Variants in PARD6G observed in about 807,000 individuals in gnomAD.
PARD6G encodes par-6 family cell polarity regulator gamma.
Under a neutral mutation model 10.7 loss-of-function variants are expected in PARD6G, and 7 were observed. That is an observed-to-expected ratio of 0.66 (90% confidence interval 0.37 to 1.23). The LOEUF is 1.23. PARD6G is among the 50% of genes most tolerant of loss of function. The pLI is 0.02. For synonymous variants in PARD6G, 287 were observed against 269.4 expected (o/e 1.07, Z -0.64); for missense variants, 548 against 571.8 (o/e 0.96, Z 0.42).
chr18:80,243,811 T>G (rs1967514448), intron 1 of PARD6G, among the ~76,000 whole-genome samples: 1 of 151,824 alleles, frequency 6.6e-6, no homozygotes, highest in African/African-American at 2.4e-5. Context: ...GCATTTCAGG[T>G]AGGGGAAGCC....
chr18:80,214,248 A>G (rs1967138399), intron 1 of PARD6G, among the ~76,000 whole-genome samples: 1 of 152,182 alleles, frequency 6.6e-6, no homozygotes, highest in Admixed American at 6.5e-5. Flanking sequence ...ACGAGATGTC[A>G]GGAGTTCATG....
rs1599856875 is a variant in PARD6G at position 80,188,240 on chromosome 18, C to G, written c.295+14470G>C. The stretch of plus-strand genomic sequence containing the variant: ...GAACCTTCTTGGGTCCCATGGCTGG[C>G]CCCACCCTGGCCTCTCCCTAAGGGC... On this transcript the variant is annotated intron_variant, in intron 2 of 2. Coordinates refer to ENST00000353265, the MANE Select transcript of PARD6G (RefSeq NM_032510.4). The surrounding 1 kb of genome is among the most constrained non-coding windows in gnomAD (Gnocchi z 5.4). Among the ~76,000 whole-genome samples the G allele has an allele frequency of 6.6e-6, 1 of 152,202 alleles. No individual in the cohort carries two copies. The highest frequency in any genetic ancestry group is 1.5e-5 in the Non-Finnish European group (1 of 68,028).
chr18:80,195,047 G>C (rs1276258001), intron 2 of PARD6G, among the ~76,000 whole-genome samples: 1 of 114,256 alleles, frequency 8.8e-6, no homozygotes, highest in Non-Finnish European at 1.9e-5. Context: ...CACCTTGGAC[G>C]AATCACTTGA....
chr18:80,180,257 C>T lies in PARD6G; in HGVS notation c.296-19651G>A, dbSNP rs1397846233. On this transcript the variant is annotated intron_variant, in intron 2 of 2. Transcript: ENST00000353265. The surrounding 1 kb of genome is among the most constrained non-coding windows in gnomAD (Gnocchi z 5.6). ...CCCAGGTGGCAGAGGGGACAAGGAG[C>T]GCCTGCTACCTGAGGCCTCTGCTTG... Among the ~76,000 whole-genome samples the T allele has an allele frequency of 6.6e-6, 1 of 152,240 alleles. No homozygotes were observed.
intron 2 of PARD6G, chr18:80,178,020 A>G (rs965717070): frequency 2.5e-5 from 4 of 158,944 alleles, no homozygotes; most frequent in African/African-American, 1.0e-4. Flanking sequence ...TGGGATAATC[A>G]TGGTCCAGCA....
At chr18:80,165,598 G>A (rs942723677) in intron 2 of PARD6G, among the ~76,000 whole-genome samples, 4 of 152,108 alleles carry the variant, frequency 2.6e-5, no homozygotes, top group African/African-American at 9.7e-5. Flanking sequence ...AGTATTATTT[G>A]GGAACTGATA....
At chr18:80,186,145 C>T (rs779256058) in intron 2 of PARD6G, among the ~76,000 whole-genome samples, 49 of 145,816 alleles carry the variant, frequency 3.4e-4, no homozygotes, top group Non-Finnish European at 5.7e-4. Context: ...TATACCCTCA[C>T]GCGGGCTTGC....
chr18:80,186,244 A>G (rs1413700554), intron 2 of PARD6G, among the ~76,000 whole-genome samples: 3 of 140,978 alleles, frequency 2.1e-5, no homozygotes, highest in Non-Finnish European at 3.1e-5. Context: ...GCATGCATGC[A>G]TCCTCACACA....
chr18:80,221,423 T>C (rs950338124), intron 1 of PARD6G, among the ~76,000 whole-genome samples: 1 of 152,106 alleles, frequency 6.6e-6, no homozygotes, highest in Non-Finnish European at 1.5e-5. Context: ...AATCAGTCAA[T>C]GTAATAAACA....
At chr18:80,196,553 T>G (rs1966957611) in intron 2 of PARD6G, among the ~76,000 whole-genome samples, 1 of 152,216 alleles carries the variant, frequency 6.6e-6, no homozygotes, top group Non-Finnish European at 1.5e-5. Context: ...ATATAAACTC[T>G]CACCATTTAC....
intron 2 of PARD6G, among the ~76,000 whole-genome samples, chr18:80,191,991 T>C (rs1966901893): frequency 6.6e-6 from 1 of 152,208 alleles, no homozygotes; most frequent in Non-Finnish European, 1.5e-5. Context: ...AAGCCAAATC[T>C]AAAATTGGTC....
In PARD6G at chr18:80,182,335, C is replaced by T. The variant is rs2052852486; in HGVS notation, c.295+20375G>A. On this transcript the variant is annotated intron_variant, in intron 2 of 2. Coordinates refer to ENST00000353265, the MANE Select transcript of PARD6G (RefSeq NM_032510.4). This position sits in a 1 kb window ranked among gnomAD's most constrained non-coding sequence, Gnocchi z 4.5. ...AGGCAGCTCCTGCCCCCAGTATCCA[C>T]AAGGAGGGACAAACTCTCACATGGA... is the stretch of plus-strand genomic sequence containing the variant. 6.6e-6 allele frequency among the ~76,000 whole-genome samples: 1 copy of T among 152,240 alleles called. No individual in the cohort carries two copies. The highest frequency in any genetic ancestry group is 1.5e-5 in the Non-Finnish European group (1 of 68,050).
chr18:80,191,666 G>T (rs556928994), intron 2 of PARD6G, among the ~76,000 whole-genome samples: 12 of 152,316 alleles, frequency 7.9e-5, no homozygotes, highest in African/African-American at 2.9e-4. Context: ...AAGTCTACAA[G>T]GGCATATGCC....
intron 2 of PARD6G, among the ~76,000 whole-genome samples, chr18:80,167,823 G>T (rs954655135): frequency 5.9e-5 from 9 of 152,120 alleles, no homozygotes; most frequent in African/African-American, 2.2e-4. Context: ...CTGGGCCTGG[G>T]GTGCAGCTCA....
Position 80,158,531 on chromosome 18 carries a change from G to C in PARD6G, c.*1240C>G, listed in dbSNP as rs7238232. On this transcript the variant is annotated 3_prime_UTR_variant, in exon 3 of 3. Coordinates refer to ENST00000353265, the MANE Select transcript of PARD6G (RefSeq NM_032510.4). Reference sequence around the variant, plus strand: ...CCTGGATTTCCCCTTGAGGCTGAATGGGCCACCTATGTGGGTCACAAAAAT... The same window carrying C: ...CCTGGATTTCCCCTTGAGGCTGAATCGGCCACCTATGTGGGTCACAAAAAT... 35,228 of 152,272 alleles carry C rather than the reference G, an allele frequency of 0.23. 5,488 individuals are homozygous for C. The highest frequency in any genetic ancestry group is 0.44 in the African/African-American group (18,387 of 41,492). 9.4% of individuals were successfully genotyped at this position (152,272 alleles called of 1,614,324 possible).
intron 2 of PARD6G, among the ~76,000 whole-genome samples, chr18:80,164,512 A>G (rs1221573971): frequency 6.6e-6 from 1 of 152,216 alleles, no homozygotes; most frequent in African/African-American, 2.4e-5. Flanking sequence ...CCATAGTAAG[A>G]GGATGAAACT....
intron 1 of PARD6G, among the ~76,000 whole-genome samples, chr18:80,227,071 G>T (rs893001919): frequency 1.3e-5 from 2 of 152,038 alleles, no homozygotes; most frequent in Admixed American, 6.5e-5. Flanking sequence ...TCCTCCCACC[G>T]CAGCCTCTCC....
In PARD6G at chr18:80,188,039, G is replaced by A. The variant is rs1001370258; in HGVS notation, c.295+14671C>T. On this transcript the variant is annotated intron_variant, in intron 2 of 2. Transcript: ENST00000353265. This position sits in a 1 kb window ranked among gnomAD's most constrained non-coding sequence, Gnocchi z 5.4. ...CTGCATATGTGCTCCATCACTGACT[G>A]AAACGCTAAGTGGTGCGCGACCGTG... The A allele has an allele frequency of 2.0e-5, 3 of 152,382 alleles. No homozygotes were observed. Among genetic ancestry groups the A allele is most frequent in the Admixed American group, 1.3e-4 (2 of 15,312 alleles). The allele number at this position is 152,382 out of a possible 1,614,324, so 9.4% of individuals were successfully genotyped here. A position where few individuals can be genotyped will look rare whatever the true frequency, so the allele number is the denominator to read the frequency against.
At position 80,159,924 on chromosome 18, in the gene PARD6G, G is replaced by T; in HGVS notation, c.978C>A (p.Val326=). The T allele has an allele frequency of 6.6e-7, 1 of 1,505,904 alleles. No homozygotes were observed. The highest frequency in any genetic ancestry group is 8.8e-7 in the Non-Finnish European group (1 of 1,135,602). The allele number at this position is 1,505,904 out of a possible 1,614,324, so 93.3% of individuals were successfully genotyped here. A position where few individuals can be genotyped will look rare whatever the true frequency, so the allele number is the denominator to read the frequency against. ...GCCGCTGCGCCAGGCCCGCGCCATTGACCCGGGAGAGGCTGCCTGCGGGCG... is the reference window on the plus strand; with the variant it reads ...GCCGCTGCGCCAGGCCCGCGCCATTTACCCGGGAGAGGCTGCCTGCGGGCG... The part of the protein sequence containing the change: ...PGAPAGSLSR[V]NGAGLAQRLQ... Residue 326 remains valine, a synonymous_variant, in exon 3 of 3, where the codon GTC becomes GTA. Transcript: ENST00000353265.
Sources: allele counts gnomAD v4.1 joint callset (sites outside exome capture counted in the v4.1 genomes callset), GRCh38; gene constraint gnomAD v4.1.1; non-coding constraint Gnocchi (gnomAD v3.1); transcripts MANE v1.5; gene names NCBI Gene and HGNC (gene_info 2026-07-23, HGNC 2026-07-21).